Variants in ZSWIM7 observed in about 807,000 individuals in gnomAD.
ZSWIM7 encodes zinc finger SWIM domain-containing protein 7.
Under a neutral mutation model 21.1 loss-of-function variants are expected in ZSWIM7, and 22 were observed. The ratio of observed to expected loss-of-function variants is 1.04; its 90% CI spans 0.74 to 1.49. ZSWIM7 has a LOEUF of 1.49. Among genes scored for constraint, ZSWIM7 ranks in the 40% most tolerant of loss-of-function variants. The probability of loss-of-function intolerance (pLI) is 0.00; values close to 1 mark genes in which losing one functional copy is unlikely to be tolerated. For synonymous variants in ZSWIM7, 67 were observed against 66.5 expected, an observed-to-expected ratio of 1.01 and a Z score of -0.04; for missense variants, 193 against 168.0, an observed-to-expected ratio of 1.15 and a Z score of -0.82.
chr17:15,978,958 TTTTA>T (rs879776803), intron 4 of ZSWIM7, among the ~76,000 whole-genome samples: 196 of 150,908 alleles, frequency 1.3e-3, no homozygotes, highest in Non-Finnish European at 2.3e-3. Context: ...TTTTTTTTTT[TTTTA>T]ATTTTAATTT....
intron 1 of ZSWIM7, among the ~76,000 whole-genome samples, chr17:15,995,434 A>T (rs1249818189): frequency 2.0e-5 from 3 of 151,800 alleles, no homozygotes; most frequent in Non-Finnish European, 4.4e-5. Flanking sequence ...CGCCCAGCTA[A>T]TTTTTTTAGT....
chr17:15,990,179 C>T (rs1970464499), intron 2 of ZSWIM7, among the ~76,000 whole-genome samples: 1 of 143,856 alleles, frequency 7.0e-6, no homozygotes, highest in Non-Finnish European at 1.5e-5. Flanking sequence ...GGGATCGCGC[C>T]ACTGCACTCT....
chr17:15,979,689 C>T (rs1265778749), intron 4 of ZSWIM7, among the ~76,000 whole-genome samples: 12 of 142,712 alleles, frequency 8.4e-5, no homozygotes, highest in Admixed American at 5.5e-4. Flanking sequence ...ACCTCCCTCC[C>T]GAATGGGGCG....
intron 1 of ZSWIM7, among the ~76,000 whole-genome samples, chr17:15,997,906 G>A (rs1266346455): frequency 6.6e-6 from 1 of 152,182 alleles, no homozygotes; most frequent in Admixed American, 6.5e-5. Context: ...TTTGAGACCA[G>A]CCTGGCCAAT....
chr17:15,999,701 G>A lies in ZSWIM7; in HGVS notation c.-107C>T. ...CCCCCCGCCGGGGCAGGGCGAGACG[G>A]AGTGACGTCGGGGCGCGTCATCGCG... On this transcript the variant is annotated 5_prime_UTR_variant, in exon 1 of 5. Transcript: ENST00000399277. The A allele has an allele frequency of 3.9e-6, 6 of 1,553,752 alleles. No individual in the cohort carries two copies. The highest frequency in any genetic ancestry group is 5.2e-6 in the Non-Finnish European group (6 of 1,148,574).
rs140739527 is a variant in ZSWIM7, at chr17:15,982,219, AT to A, written c.202-1076del. On this transcript the variant is annotated intron_variant, in intron 3 of 4. Coordinates refer to ENST00000399277, the MANE Select transcript of ZSWIM7 (RefSeq NM_001042697.2). ...ACACATCTGTAGTATGATCGCACAA[AT>A]TTGCTGGAGAAATCCTTTGTTTAAG... Among the ~76,000 whole-genome samples, 333 of 152,244 alleles carry A rather than the reference AT, an allele frequency of 2.2e-3. 6 individuals carry two copies. The highest frequency in any genetic ancestry group is 7.4e-3 in the African/African-American group (309 of 41,536).
At chr17:15,986,693 G>T (rs376090508) in intron 3 of ZSWIM7, 1 of 152,084 alleles carries the variant, frequency 6.6e-6, no homozygotes, top group East Asian at 1.9e-4. Flanking sequence ...GGAGATATTG[G>T]TCAAAGGGTA....
chr17:15,978,443 C>G (rs759411757), intron 4 of ZSWIM7, among the ~76,000 whole-genome samples: 5 of 152,072 alleles, frequency 3.3e-5, no homozygotes, highest in Non-Finnish European at 5.9e-5. Flanking sequence ...ACTAAAAATA[C>G]AAAAATTAGC....
chr17:15,978,015 A>C lies in ZSWIM7; in HGVS notation c.*32T>G. On this transcript the variant is annotated 3_prime_UTR_variant, in exon 5 of 5. Coordinates refer to ENST00000399277, the MANE Select transcript of ZSWIM7 (RefSeq NM_001042697.2). ...TCAATGCATTTCTTGACAGGATTCT[A>C]TTTTGAAAGAATGATGCTCAATCTG... The C allele has an allele frequency of 6.5e-7, 1 of 1,542,336 alleles. No homozygotes were observed. Among genetic ancestry groups the C allele is most frequent in the Non-Finnish European group, 9.0e-7 (1 of 1,115,688 alleles).
chr17:15,979,190 CTTAACGAGCATGCT>C lies in ZSWIM7; in HGVS notation c.307-1041_307-1028del, dbSNP rs1970315084. Among the ~76,000 whole-genome samples the C allele has an allele frequency of 5.3e-5, 8 of 151,846 alleles. No individual in the cohort carries two copies. In the South Asian group the frequency reaches 1.7e-3, roughly 32 times the overall value. Reference sequence around the variant, plus strand: ...TTGAGATTAGGGAGTGGTGATGACTCTTAACGAGCATGCTGCCTTCAAGCATCTGTTTATCAAAG... The same window carrying C: ...TTGAGATTAGGGAGTGGTGATGACTCGCCTTCAAGCATCTGTTTATCAAAG... On this transcript the variant is annotated intron_variant, in intron 4 of 4. Coordinates refer to ENST00000399277, the MANE Select transcript of ZSWIM7 (RefSeq NM_001042697.2).
In ZSWIM7 at chr17:15,993,746, T is replaced by A. The variant is rs369302337; in HGVS notation, c.98+11A>T. On this transcript the variant is annotated intron_variant, in intron 2 of 4. Coordinates refer to ENST00000399277, the MANE Select transcript of ZSWIM7 (RefSeq NM_001042697.2). ...TAAAAAAAAATCAAATACAACAGTA[T>A]ATGTACTTACGATAACAGATATTCA... 1 of 1,477,156 alleles carries A rather than the reference T, an allele frequency of 6.8e-7. No individual in the cohort carries two copies. The highest frequency in any genetic ancestry group is 1.4e-5 in the African/African-American group (1 of 71,198). 91.5% of individuals were successfully genotyped at this position (1,477,156 alleles called of 1,614,324 possible).
intron 4 of ZSWIM7, 78 bp downstream of exon 4, chr17:15,980,962 T>C (rs1970347807): frequency 9.7e-7 from 1 of 1,034,406 alleles, no homozygotes; most frequent in Admixed American, 2.5e-5. Flanking sequence ...TCCCATTTTG[T>C]AGAATAGTTA....
chr17:15,995,139 A>G (rs1284090433), intron 1 of ZSWIM7, among the ~76,000 whole-genome samples: 2 of 150,648 alleles, frequency 1.3e-5, no homozygotes. Flanking sequence ...GAATCTTCTG[A>G]AAAAAAGTTA....
chr17:15,991,279 T>A (rs1970479194), intron 2 of ZSWIM7, among the ~76,000 whole-genome samples: 1 of 152,148 alleles, frequency 6.6e-6, no homozygotes, highest in East Asian at 1.9e-4. Flanking sequence ...AGATTGTTTC[T>A]ATGTTTTATT....
intron 1 of ZSWIM7, among the ~76,000 whole-genome samples, chr17:15,997,919 G>A (rs1270917114): frequency 6.6e-6 from 1 of 152,120 alleles, no homozygotes; most frequent in African/African-American, 2.4e-5. Flanking sequence ...TGGCCAATAT[G>A]GTGAAACCCC....
At chr17:15,981,995 T>C (rs1970361524) in intron 3 of ZSWIM7, among the ~76,000 whole-genome samples, 1 of 152,040 alleles carries the variant, frequency 6.6e-6, no homozygotes, top group Non-Finnish European at 1.5e-5. Context: ...AGAGAATAAA[T>C]AAAGCAAAGA....
chr17:15,994,888 C>G (rs1597442600), intron 1 of ZSWIM7, among the ~76,000 whole-genome samples: 1 of 152,246 alleles, frequency 6.6e-6, no homozygotes, highest in Middle Eastern at 3.4e-3. Flanking sequence ...CCCTCTACCA[C>G]CCAGAGCTTC....
In ZSWIM7 at chr17:15,999,502, C is replaced by T; in HGVS notation, c.76+17G>A. On this transcript the variant is annotated intron_variant, in intron 1 of 4. Coordinates refer to ENST00000399277, the MANE Select transcript of ZSWIM7 (RefSeq NM_001042697.2). Reference sequence around the variant, plus strand: ...CCCGCGCCCATGGCGCAGCCACACACGACCTCGGTCCCGTACTTCGCGCGC... The same window carrying T: ...CCCGCGCCCATGGCGCAGCCACACATGACCTCGGTCCCGTACTTCGCGCGC... The T allele has an allele frequency of 6.3e-6, 10 of 1,596,824 alleles. No homozygotes were observed. Among genetic ancestry groups the T allele is most frequent in the Non-Finnish European group, 8.5e-6 (10 of 1,177,710 alleles).
intron 1 of ZSWIM7, 169 bp downstream of exon 1, chr17:15,999,350 T>G: frequency 1.1e-6 from 1 of 934,606 alleles, no homozygotes; most frequent in Non-Finnish European, 1.6e-6. Context: ...CAATTTCGCT[T>G]TTTTGTTGTT....
Sources: gnomAD v4.1 joint callset for allele counts (sites outside exome capture counted in the v4.1 genomes callset) on GRCh38, gnomAD v4.1.1 for gene constraint, MANE v1.5 for transcripts, NCBI Gene and HGNC (gene_info 2026-07-23, HGNC 2026-07-21) for gene names.